The following STPG2 variants were observed in gnomAD, a reference collection of about 807,000 sequenced individuals.
STPG2 encodes sperm-tail PG-rich repeat-containing protein 2.
STPG2 carries 56 observed loss-of-function variants against 54.2 expected under a neutral mutation model. The ratio of observed to expected loss-of-function variants is 1.03; its 90% CI spans 0.83 to 1.29. STPG2 has a LOEUF of 1.29. STPG2 is among the 50% of genes most tolerant of loss of function. The probability of loss-of-function intolerance (pLI) is 0.00; values close to 1 mark genes in which losing one functional copy is unlikely to be tolerated. For missense variants in STPG2, 596 were observed against 544.9 expected (o/e 1.09, Z -0.93); for synonymous variants, 200 against 181.8 (o/e 1.10, Z -0.81).
At chr4:97,578,733 C>G (rs1732787711) in intron 10 of STPG2, among the ~76,000 whole-genome samples, 1 of 151,642 alleles carries the variant, frequency 6.6e-6, no homozygotes, top group African/African-American at 2.4e-5. Context: ...TGGTTTAAAC[C>G]AAAAAGAAAG....
chr4:97,517,630 A>G (rs979190171), intron 4 of STPG2, among the ~76,000 whole-genome samples: 1 of 152,022 alleles, frequency 6.6e-6, no homozygotes, highest in African/African-American at 2.4e-5. Flanking sequence ...AAACCAACAA[A>G]TTTTATTTAT....
intron 1 of STPG2, among the ~76,000 whole-genome samples, chr4:98,135,350 A>C (rs1008954658): frequency 6.6e-6 from 1 of 151,900 alleles, no homozygotes; most frequent in East Asian, 1.9e-4. Context: ...TGAGGCCCAC[A>C]TGTATTAAAA....
intron 4 of STPG2, among the ~76,000 whole-genome samples, chr4:97,473,011 C>G (rs889483489): frequency 2.6e-5 from 4 of 152,092 alleles, no homozygotes; most frequent in African/African-American, 9.7e-5. Context: ...TATCACTTCC[C>G]CAATCAATAC....
chr4:97,525,148 T>C (rs1042069417), intron 4 of STPG2, among the ~76,000 whole-genome samples: 1 of 151,982 alleles, frequency 6.6e-6, no homozygotes, highest in African/African-American at 2.4e-5. Flanking sequence ...TATTGTGATA[T>C]GCTTTCAAAA....
chr4:97,509,206 T>C (rs900358736), intron 4 of STPG2, among the ~76,000 whole-genome samples: 2 of 152,014 alleles, frequency 1.3e-5, no homozygotes, highest in South Asian at 4.1e-4. Flanking sequence ...CTGTAGCTCC[T>C]TCCCAAAGGT....
At chr4:98,010,148 G>GT (rs746476841) in intron 5 of STPG2, among the ~76,000 whole-genome samples, 16 of 151,034 alleles carry the variant, frequency 1.1e-4, no homozygotes, top group African/African-American at 1.5e-4. Flanking sequence ...CTAACTTTTG[G>GT]TTTTTTTCTT....
chr4:97,934,788 G>A (rs541265483), intron 8 of STPG2, among the ~76,000 whole-genome samples: 1 of 152,198 alleles, frequency 6.6e-6, no homozygotes, highest in Non-Finnish European at 1.5e-5. Flanking sequence ...TTGCATCTAT[G>A]TTCATCAGGG....
intron 10 of STPG2, among the ~76,000 whole-genome samples, chr4:97,705,888 G>C (rs901774359): frequency 1.3e-5 from 2 of 151,880 alleles, no homozygotes; most frequent in East Asian, 3.9e-4. Flanking sequence ...AAAGGTAACA[G>C]TAACAATAAC....
At chr4:97,612,761 G>C (rs1412527931) in intron 10 of STPG2, among the ~76,000 whole-genome samples, 1 of 151,974 alleles carries the variant, frequency 6.6e-6, no homozygotes, top group Admixed American at 6.6e-5. Flanking sequence ...GTCAAGTGTA[G>C]ATAGTGTAAA....
chr4:97,630,468 C>T (rs977760484), intron 10 of STPG2, among the ~76,000 whole-genome samples: 2 of 151,722 alleles, frequency 1.3e-5, no homozygotes, highest in African/African-American at 4.8e-5. Context: ...AAAACTGACT[C>T]CACTTCTTAG....
intron 4 of STPG2, among the ~76,000 whole-genome samples, chr4:97,528,711 T>G (rs1366378869): frequency 6.6e-6 from 1 of 152,174 alleles, no homozygotes; most frequent in African/African-American, 2.4e-5. Flanking sequence ...AAGAGGTCCT[T>G]CACATCCCTT....
chr4:97,928,124 A>G (rs138390321), intron 8 of STPG2, among the ~76,000 whole-genome samples: 149 of 152,274 alleles, frequency 9.8e-4, no homozygotes, highest in African/African-American at 3.3e-3. Context: ...GTTTTAGTGT[A>G]TTAATGAATT....
At chr4:98,100,559 G>A (rs566488201) in intron 5 of STPG2, among the ~76,000 whole-genome samples, 4 of 151,588 alleles carry the variant, frequency 2.6e-5, no homozygotes, top group African/African-American at 7.3e-5. Flanking sequence ...CTATTGTAAG[G>A]GTGCATCTGC....
intron 3 of STPG2, among the ~76,000 whole-genome samples, chr4:98,112,443 C>A (rs929241782): frequency 3.3e-5 from 5 of 152,054 alleles, no homozygotes; most frequent in African/African-American, 1.2e-4. Flanking sequence ...CACACAATGA[C>A]AAAATCACCT....
intron 3 of STPG2, among the ~76,000 whole-genome samples, chr4:98,119,119 T>C (rs1374775958): frequency 1.3e-5 from 2 of 152,116 alleles, no homozygotes; most frequent in South Asian, 2.1e-4. Context: ...AAGAGTTTGA[T>C]GAGGAATGAA....
At chr4:98,112,709 G>A (rs1111541) in intron 3 of STPG2, among the ~76,000 whole-genome samples, 60,028 of 151,756 alleles carry the variant, frequency 0.4, 12,112 homozygotes, top group Middle Eastern at 0.46. Context: ...TCTTTCTTTG[G>A]TGGTAGAGAA....
At position 98,036,575 on chromosome 4, in the gene STPG2, G is replaced by A. The variant is rs560308284; in HGVS notation, c.613-55257C>T. On this transcript the variant is annotated intron_variant, in intron 5 of 10. Coordinates refer to ENST00000295268, the MANE Select transcript of STPG2 (RefSeq NM_174952.3). ...ACAAGAACAGAAAACCAAATACCAC[G>A]TATTCTGTCTTATAAGTGGGAGCTA... Among the ~76,000 whole-genome samples the A allele has an allele frequency of 3.3e-5, 5 of 151,870 alleles. No homozygotes were observed. In the South Asian group the frequency reaches 6.2e-4, roughly 19 times the overall value.
At chr4:97,703,802 G>C (rs1381581225) in intron 10 of STPG2, among the ~76,000 whole-genome samples, 4 of 148,100 alleles carry the variant, frequency 2.7e-5, no homozygotes, top group Non-Finnish European at 5.9e-5. Flanking sequence ...ATATGTGTGT[G>C]TGTGTGTGTG....
chr4:97,989,981 G>C (rs1158338293), intron 5 of STPG2, among the ~76,000 whole-genome samples: 1 of 152,214 alleles, frequency 6.6e-6, no homozygotes, highest in Non-Finnish European at 1.5e-5. Context: ...GATAAAGGGA[G>C]AGTGCTATAT....
Sources: gnomAD v4.1 joint callset for allele counts (sites outside exome capture counted in the v4.1 genomes callset) on GRCh38, gnomAD v4.1.1 for gene constraint, MANE v1.5 for transcripts, NCBI Gene and HGNC (gene_info 2026-07-23, HGNC 2026-07-21) for gene names.